Variants in TG observed in about 807,000 individuals in gnomAD.
The protein encoded by TG is thyroglobulin.
TG carries 270 observed loss-of-function variants against 324.7 expected under a neutral mutation model. The observed-to-expected ratio is 0.83, with a 90% CI of 0.75 to 0.92. The LOEUF (loss-of-function observed/expected upper bound fraction) is 0.92, where lower values mean the gene tolerates loss of function less well. TG is among the 40% of genes least tolerant of loss of function. The probability of loss-of-function intolerance (pLI) is 0.00; values close to 1 mark genes in which losing one functional copy is unlikely to be tolerated. For missense variants in TG, 3,591 were observed against 3,456.4 expected, an observed-to-expected ratio of 1.04 and a Z score of -0.98; for synonymous variants, 1,401 against 1,327.0, an observed-to-expected ratio of 1.06 and a Z score of -1.21.
intron 35 of TG, chr8:132,983,802 A>G: frequency 2.9e-6 from 1 of 346,788 alleles, no homozygotes; most frequent in East Asian, 7.6e-5. Context: ...GCTCCTTATT[A>G]GTGCAAAAGA....
chr8:132,871,584 C>A, intron 4 of TG, 33 bp downstream of exon 4: 1 of 1,603,022 alleles, frequency 6.2e-7, no homozygotes, highest in African/African-American at 1.3e-5. Flanking sequence ...ACCCCTAGAG[C>A]TGGGGAGGGG....
chr8:132,890,854 G>A (rs951920985), intron 10 of TG, among the ~76,000 whole-genome samples: 1 of 152,180 alleles, frequency 6.6e-6, no homozygotes. Flanking sequence ...CAGGCCTCTA[G>A]GAGTTTGAGT....
chr8:133,026,426 A>G (rs1042698016), intron 40 of TG, among the ~76,000 whole-genome samples: 1 of 152,188 alleles, frequency 6.6e-6, no homozygotes, highest in Non-Finnish European at 1.5e-5. Flanking sequence ...GAGCAGTTGG[A>G]AAGGAAGCAG....
intron 35 of TG, among the ~76,000 whole-genome samples, chr8:132,992,643 A>G (rs1213338304): frequency 6.6e-6 from 1 of 152,142 alleles, no homozygotes; most frequent in Non-Finnish European, 1.5e-5. Flanking sequence ...GACTCCCTTT[A>G]GGATGGAAGG....
chr8:133,133,763 G>A, intron 47 of TG, 103 bp downstream of exon 47: 1 of 1,324,444 alleles, frequency 7.6e-7, no homozygotes, highest in Non-Finnish European at 1.1e-6. Flanking sequence ...GAGCCAAGGG[G>A]TCACCAGTGC....
At chr8:133,094,432 G>T (rs915517047) in intron 41 of TG, among the ~76,000 whole-genome samples, 3 of 151,766 alleles carry the variant, frequency 2.0e-5, no homozygotes, top group African/African-American at 7.3e-5. Flanking sequence ...AGTAGAGATG[G>T]GGTTTCACTG....
intron 27 of TG, among the ~76,000 whole-genome samples, chr8:132,954,076 C>T (rs1312326828): frequency 6.6e-6 from 1 of 151,464 alleles, no homozygotes. Flanking sequence ...GATTGTGAGG[C>T]TTTGCCTGAT....
intron 27 of TG, among the ~76,000 whole-genome samples, chr8:132,955,084 G>A (rs961783867): frequency 1.3e-5 from 2 of 152,136 alleles, no homozygotes; most frequent in Non-Finnish European, 2.9e-5. Flanking sequence ...TTATATCAAT[G>A]CCTCCAGGAC....
At position 133,020,386 on chromosome 8, in the gene TG, C is replaced by T. The variant is rs751300429; in HGVS notation, c.6876+691C>T. Among the ~76,000 whole-genome samples the T allele has an allele frequency of 1.1e-4, 16 of 152,320 alleles. No individual in the cohort carries two copies. In the East Asian group the frequency reaches 1.9e-3, roughly 18 times the overall value. The stretch of plus-strand genomic sequence containing the variant: ...CCTCCTGGACACTTCCTGTGGCTGT[C>T]GTTGAGGCGGGAGCTGAGGACTGCC... On this transcript the variant is annotated intron_variant, in intron 39 of 47. Coordinates refer to ENST00000220616, the MANE Select transcript of TG (RefSeq NM_003235.5).
At chr8:133,037,650 T>G (rs910604194) in intron 41 of TG, 2 of 152,136 alleles carry the variant, frequency 1.3e-5, no homozygotes, top group African/African-American at 2.4e-5. Context: ...TTTTTTTTTT[T>G]TTGGCTTGCC....
chr8:132,875,258 G>C (rs1839851908), intron 5 of TG, among the ~76,000 whole-genome samples: 1 of 152,190 alleles, frequency 6.6e-6, no homozygotes, highest in African/African-American at 2.4e-5. Flanking sequence ...CTGAGAGCAA[G>C]TATAAATCTC....
At position 133,134,769 on chromosome 8, in the gene TG, C is replaced by A. The variant is rs910088864; in HGVS notation, c.8282C>A (p.Pro2761Gln). 2 of 1,614,052 alleles carry A rather than the reference C, an allele frequency of 1.2e-6. No individual in the cohort carries two copies. The highest frequency in any genetic ancestry group is 1.3e-5 in the African/African-American group (1 of 74,920). The change falls in exon 48 of 48, where the codon CCA (proline) becomes CAA (glutamine). Residue 2761 changes from proline (P) to glutamine (Q), a missense_variant. Coordinates refer to ENST00000220616, the MANE Select transcript of TG (RefSeq NM_003235.5). ...GAAGATCTCCTAAGCCTCCAGGAACCAGGCTCTAAGACCTACAGCAAGTGA... is the reference window on the plus strand; with the variant it reads ...GAAGATCTCCTAAGCCTCCAGGAACAAGGCTCTAAGACCTACAGCAAGTGA... Reference protein sequence around the residue: ...LREDLLSLQEPGSKTYSK With the variant: ...LREDLLSLQEQGSKTYSK
chr8:133,028,718 C>T (rs1478924710), intron 40 of TG, among the ~76,000 whole-genome samples: 2 of 152,214 alleles, frequency 1.3e-5, no homozygotes, highest in Admixed American at 1.3e-4. Context: ...GTTGGGACTG[C>T]AGCCGGCTGG....
intron 41 of TG, chr8:133,087,817 T>C (rs1323361393): frequency 6.6e-6 from 1 of 152,180 alleles, no homozygotes; most frequent in Non-Finnish European, 1.5e-5. Flanking sequence ...TGGATGCCTG[T>C]GAATGTCACG....
intron 35 of TG, chr8:133,002,996 C>A: frequency 9.8e-7 from 1 of 1,022,194 alleles, no homozygotes; most frequent in Non-Finnish European, 1.2e-6. Flanking sequence ...ATGTACCTGG[C>A]CAAACGAACA....
chr8:132,937,983 G>C (rs528171208), intron 25 of TG, among the ~76,000 whole-genome samples: 2 of 152,172 alleles, frequency 1.3e-5, no homozygotes, highest in East Asian at 3.9e-4. Flanking sequence ...TTCTAGACCC[G>C]GGTGGAGTGG....
Position 132,893,757 on chromosome 8 carries a change from T to A in TG, c.2829T>A (p.Val943=). Residue 943 remains valine, a synonymous_variant, in exon 11 of 48, where the codon GTT becomes GTA. Transcript: ENST00000220616. Reference sequence around the variant, plus strand: ...TCATTAGGGAAACGGAAGAGATTGTTTCAGCTTCCAACAGTTCTCGGTTCC... The same window carrying A: ...TCATTAGGGAAACGGAAGAGATTGTATCAGCTTCCAACAGTTCTCGGTTCC... ...LQFIRETEEI[V]SASNSSRFPL... 1 of 1,613,964 alleles carries A rather than the reference T, an allele frequency of 6.2e-7. No homozygotes were observed. The highest frequency in any genetic ancestry group is 8.5e-7 in the Non-Finnish European group (1 of 1,179,914).
chr8:133,061,000 G>A (rs1842292248), intron 41 of TG, among the ~76,000 whole-genome samples: 1 of 152,202 alleles, frequency 6.6e-6, no homozygotes, highest in East Asian at 1.9e-4. Flanking sequence ...CTTCGGGCAA[G>A]TCATTAACCT....
chr8:132,933,917 A>G (rs542229341), intron 24 of TG, among the ~76,000 whole-genome samples: 1 of 152,244 alleles, frequency 6.6e-6, no homozygotes, highest in East Asian at 1.9e-4. Flanking sequence ...CTTCCTGACG[A>G]GTCAGTCAGG....
Sources: allele counts gnomAD v4.1 joint callset (sites outside exome capture counted in the v4.1 genomes callset), GRCh38; gene constraint gnomAD v4.1.1; transcripts MANE v1.5; gene names NCBI Gene and HGNC (gene_info 2026-07-23, HGNC 2026-07-21).